Variants in C12orf42 observed in about 807,000 individuals in gnomAD.
C12orf42 encodes chromosome 12 open reading frame 42.
A neutral mutation model predicts 21.6 loss-of-function variants in C12orf42; 25 were observed. The ratio of observed to expected loss-of-function variants is 1.16; its 90% CI spans 0.84 to 1.62. The LOEUF (loss-of-function observed/expected upper bound fraction) is 1.62. Ranked by LOEUF, C12orf42 falls within the 40% of genes most tolerant of loss-of-function variation. C12orf42 has a pLI of 0.00. For missense variants in C12orf42, 483 were observed against 459.3 expected, an observed-to-expected ratio of 1.05 and a Z score of -0.47; for synonymous variants, 174 against 175.0, an observed-to-expected ratio of 0.99 and a Z score of 0.05.
At chr12:103,441,940 C>T (rs981648373) in intron 2 of C12orf42, among the ~76,000 whole-genome samples, 3 of 152,082 alleles carry the variant, frequency 2.0e-5, no homozygotes, top group African/African-American at 7.2e-5. Flanking sequence ...GCCAGGCATT[C>T]AAGACCAGCC....
chr12:103,279,338 C>T (rs2035962561), intron 4 of C12orf42, among the ~76,000 whole-genome samples: 1 of 152,024 alleles, frequency 6.6e-6, no homozygotes, highest in South Asian at 2.1e-4. Context: ...TATTCAAACC[C>T]ATCAAAATGC....
chr12:103,262,008 C>G (rs1242003725), intron 10 of C12orf42, among the ~76,000 whole-genome samples: 2 of 152,174 alleles, frequency 1.3e-5, no homozygotes, highest in Non-Finnish European at 2.9e-5. Flanking sequence ...AGGACTTGCT[C>G]TGTCATGAGT....
chr12:103,366,878 G>A (rs1044200882), intron 4 of C12orf42, among the ~76,000 whole-genome samples: 6 of 152,062 alleles, frequency 3.9e-5, no homozygotes, highest in African/African-American at 7.2e-5. Flanking sequence ...CAACCGCTAT[G>A]GAAAACAGTG....
At chr12:103,348,154 C>A (rs1334256983) in intron 4 of C12orf42, among the ~76,000 whole-genome samples, 1 of 152,188 alleles carries the variant, frequency 6.6e-6, no homozygotes, top group Non-Finnish European at 1.5e-5. Context: ...CTACTCTAGT[C>A]CCTGCCCTTG....
At chr12:103,093,253 G>A in the C12orf42 span, among the ~76,000 whole-genome samples, 1 of 152,128 alleles carries the variant, frequency 6.6e-6, no homozygotes, top group South Asian at 2.1e-4. Flanking sequence ...TGTTAAACCT[G>A]CTTTAAGGTC....
the C12orf42 span, among the ~76,000 whole-genome samples, chr12:103,049,800 T>C: frequency 6.6e-6 from 1 of 152,176 alleles, no homozygotes; most frequent in Admixed American, 6.6e-5. Flanking sequence ...CCCTAGGTAA[T>C]CTGCTTAGAT....
the C12orf42 span, among the ~76,000 whole-genome samples, chr12:103,057,915 C>A: frequency 6.6e-6 from 1 of 151,748 alleles, no homozygotes; most frequent in Non-Finnish European, 1.5e-5. Context: ...AATGGTACCT[C>A]ATTGTAGTTT....
At chr12:103,094,897 T>A in the C12orf42 span, among the ~76,000 whole-genome samples, 1 of 152,216 alleles carries the variant, frequency 6.6e-6, no homozygotes, top group Non-Finnish European at 1.5e-5. Flanking sequence ...TATAAAAGGT[T>A]AGAAGCAATT....
At chr12:103,432,734 A>G (rs1315983085) in intron 2 of C12orf42, among the ~76,000 whole-genome samples, 1 of 152,152 alleles carries the variant, frequency 6.6e-6, no homozygotes, top group African/African-American at 2.4e-5. Flanking sequence ...TCCTAATCCA[A>G]TATGCCTGGC....
chr12:103,268,985 A>G (rs779684007), intron 6 of C12orf42: 4 of 152,074 alleles, frequency 2.6e-5, no homozygotes, highest in African/African-American at 2.4e-5. Flanking sequence ...ATGATAAATT[A>G]CCATTTGGTG....
At chr12:103,198,419 C>T in the C12orf42 span, among the ~76,000 whole-genome samples, 1 of 152,182 alleles carries the variant, frequency 6.6e-6, no homozygotes, top group African/African-American at 2.4e-5. Context: ...TCAGACCAGA[C>T]TGACGCCACT....
the C12orf42 span, among the ~76,000 whole-genome samples, chr12:103,521,449 A>G: frequency 6.6e-6 from 1 of 152,152 alleles, no homozygotes; most frequent in Non-Finnish European, 1.5e-5. Context: ...CAAACACCAC[A>G]TGTTCTCACT....
the C12orf42 span, among the ~76,000 whole-genome samples, chr12:103,055,281 G>C: frequency 6.6e-6 from 1 of 151,866 alleles, no homozygotes. Context: ...TTTATATTGA[G>C]TTGTGAGTAG....
At chr12:103,377,540 G>T (rs1288539864) in intron 3 of C12orf42, among the ~76,000 whole-genome samples, 1 of 152,088 alleles carries the variant, frequency 6.6e-6, no homozygotes, top group African/African-American at 2.4e-5. Context: ...AAGGGCCCGA[G>T]TGTCCCACAG....
the C12orf42 span, among the ~76,000 whole-genome samples, chr12:103,048,654 A>G: frequency 6.6e-6 from 1 of 152,182 alleles, no homozygotes; most frequent in Non-Finnish European, 1.5e-5. Flanking sequence ...AAGGAACCAA[A>G]GAGCTCTCTG....
intron 2 of C12orf42, among the ~76,000 whole-genome samples, chr12:103,456,655 C>T (rs1330317475): frequency 6.6e-6 from 1 of 152,040 alleles, no homozygotes; most frequent in Non-Finnish European, 1.5e-5. Context: ...TGAATATTTC[C>T]ACTGATGTCT....
chr12:103,082,206 C>T, the C12orf42 span, among the ~76,000 whole-genome samples: 1 of 152,196 alleles, frequency 6.6e-6, no homozygotes. Context: ...TGTTCAATGG[C>T]ACATGCTAAT....
At chr12:103,552,724 A>C in the C12orf42 span, among the ~76,000 whole-genome samples, 1 of 152,184 alleles carries the variant, frequency 6.6e-6, no homozygotes, top group Non-Finnish European at 1.5e-5. Context: ...TTGATATTTG[A>C]GGCTGTTATT....
At chr12:103,267,975 G>T (rs141676953), downstream of C12orf42, 5 of 151,988 alleles carry the variant, frequency 3.3e-5, no homozygotes, top group East Asian at 9.7e-4. Context: ...TTTCAAAATC[G>T]TATCAAAATA....
Sources: allele counts gnomAD v4.1 joint callset (sites outside exome capture counted in the v4.1 genomes callset), GRCh38; gene constraint gnomAD v4.1.1; transcripts MANE v1.5; gene names NCBI Gene and HGNC (gene_info 2026-07-23, HGNC 2026-07-21).